The following MAML2 variants were observed in gnomAD, a reference collection of about 807,000 sequenced individuals.
The protein encoded by MAML2 is mastermind-like protein 2.
Under a neutral mutation model 96.1 loss-of-function variants are expected in MAML2, and 22 were observed. The ratio of observed to expected loss-of-function variants is 0.23; its 90% CI spans 0.16 to 0.33. The LOEUF is 0.33. Among genes scored for constraint, MAML2 ranks in the 10% least tolerant of loss-of-function variants. The pLI is 1.00. For synonymous variants in MAML2, 561 were observed against 521.3 expected (o/e 1.08, Z -1.04); for missense variants, 1,367 against 1,392.4 (o/e 0.98, Z 0.29).
chr11:95,982,317 G>A (rs549298626), intron 4 of MAML2, among the ~76,000 whole-genome samples: 1 of 139,882 alleles, frequency 7.1e-6, no homozygotes, highest in Non-Finnish European at 1.5e-5. Flanking sequence ...CAGAGCTTTG[G>A]TTTTAGAAAC....
At chr11:95,999,373 G>A (rs991068079) in intron 2 of MAML2, among the ~76,000 whole-genome samples, 2 of 152,038 alleles carry the variant, frequency 1.3e-5, no homozygotes, top group Admixed American at 1.3e-4. Context: ...GAATTGTAAG[G>A]ACTCTGTCAG....
intron 1 of MAML2, among the ~76,000 whole-genome samples, chr11:96,329,642 T>C (rs1863828957): frequency 2.0e-5 from 3 of 152,222 alleles, no homozygotes; most frequent in Admixed American, 6.5e-5. Context: ...TAAATTGCCC[T>C]ACTAGGTAGT....
At chr11:96,340,865 A>G (rs373999595) in intron 1 of MAML2, among the ~76,000 whole-genome samples, 3 of 152,140 alleles carry the variant, frequency 2.0e-5, no homozygotes, top group African/African-American at 4.8e-5. Flanking sequence ...GGAATTTGCT[A>G]TTTGTTACAG....
intron 1 of MAML2, among the ~76,000 whole-genome samples, chr11:96,331,789 G>A (rs915887212): frequency 1.2e-4 from 18 of 149,480 alleles, no homozygotes; most frequent in Non-Finnish European, 2.7e-4. Flanking sequence ...CTGCACTCCA[G>A]CGTGGGCGAA....
At chr11:96,069,202 A>G (rs1859299125) in intron 2 of MAML2, among the ~76,000 whole-genome samples, 1 of 152,060 alleles carries the variant, frequency 6.6e-6, no homozygotes, top group African/African-American at 2.4e-5. Context: ...TGTTGGCATT[A>G]CAAGGGTGAG....
chr11:96,313,370 G>T (rs1031176192), intron 1 of MAML2, among the ~76,000 whole-genome samples: 1 of 152,122 alleles, frequency 6.6e-6, no homozygotes, highest in South Asian at 2.1e-4. Flanking sequence ...GCAGCTCTCC[G>T]GGCCATTCTG....
At chr11:96,157,622 T>G (rs1372017802) in intron 1 of MAML2, among the ~76,000 whole-genome samples, 1 of 152,268 alleles carries the variant, frequency 6.6e-6, no homozygotes. Flanking sequence ...ATTTGACTTT[T>G]GCAAGTAAAA....
chr11:96,323,483 G>GA (rs57745850), intron 1 of MAML2, among the ~76,000 whole-genome samples: 26,966 of 144,584 alleles, frequency 0.19, 2,619 homozygotes, highest in East Asian at 0.33. Flanking sequence ...ACAAAATGCT[G>GA]AAAAAAAAAA....
At position 96,092,210 on chromosome 11, in the gene MAML2, T is replaced by TTGCTGC. The variant is rs60727839; in HGVS notation, c.1815_1820dup (p.Gln620_Gln621dup). The TTGCTGC allele has an allele frequency of 1.1e-4, 155 of 1,463,054 alleles. No individual in the cohort carries two copies. The highest frequency in any genetic ancestry group is 1.0e-3 in the African/African-American group (73 of 70,988). 90.6% of individuals were successfully genotyped at this position (1,463,054 alleles called of 1,614,324 possible). A position where few individuals can be genotyped will look rare whatever the true frequency, so the allele number is the denominator to read the frequency against. On this transcript the variant is annotated inframe_insertion, in exon 2 of 5. Coordinates refer to ENST00000524717, the MANE Select transcript of MAML2 (RefSeq NM_032427.4). The surrounding 1 kb of genome is among the most constrained non-coding windows in gnomAD (Gnocchi z 4.1). ...GTTGCTGTTGCTGCTGCTGCTGCTG[T>TTGCTGC]TGCTGCTGCTGCTGCTGCTGCTGCT...
At chr11:96,298,328 G>A (rs1863331090) in intron 1 of MAML2, among the ~76,000 whole-genome samples, 1 of 152,208 alleles carries the variant, frequency 6.6e-6, no homozygotes, top group Non-Finnish European at 1.5e-5. Context: ...GAAACAGTGA[G>A]GATGGAATGG....
chr11:96,251,274 G>C (rs1862578287), intron 1 of MAML2, among the ~76,000 whole-genome samples: 1 of 152,204 alleles, frequency 6.6e-6, no homozygotes, highest in African/African-American at 2.4e-5. Context: ...GGAGGTAGCT[G>C]TGTTTCAGAT....
chr11:96,240,377 C>T (rs1251407480), intron 1 of MAML2, among the ~76,000 whole-genome samples: 9 of 151,344 alleles, frequency 5.9e-5, no homozygotes, highest in African/African-American at 1.7e-4. Flanking sequence ...GGTGAAACCC[C>T]GTCTCTACTA....
intron 1 of MAML2, among the ~76,000 whole-genome samples, chr11:96,157,165 T>A (rs976217207): frequency 6.6e-6 from 1 of 152,216 alleles, no homozygotes; most frequent in African/African-American, 2.4e-5. Flanking sequence ...TGCAGTGAAG[T>A]TTCAAAACTC....
chr11:96,189,963 T>C (rs79549226), intron 1 of MAML2, among the ~76,000 whole-genome samples: 3,742 of 152,288 alleles, frequency 0.025, 73 homozygotes, highest in Non-Finnish European at 0.039. Flanking sequence ...AAAGTAGGTG[T>C]CACTAGATGA....
intron 2 of MAML2, among the ~76,000 whole-genome samples, chr11:96,003,478 T>A (rs1311689643): frequency 6.6e-6 from 1 of 152,146 alleles, no homozygotes; most frequent in Non-Finnish European, 1.5e-5. Context: ...TTAAAGGCGA[T>A]TGAGCTTAGT....
chr11:96,307,116 G>C (rs1863474356), intron 1 of MAML2, among the ~76,000 whole-genome samples: 1 of 152,118 alleles, frequency 6.6e-6, no homozygotes, highest in Non-Finnish European at 1.5e-5. Flanking sequence ...AAACTCTCCT[G>C]AAGTCTTGAG....
In MAML2 at chr11:96,111,137, C is replaced by T. The variant is rs561003060; in HGVS notation, c.514-17620G>A. ...CATCTCTGCATCAATTGAGACCATTCTCCACTATCTGTGCTCACATAGTAA... is the reference window on the plus strand; with the variant it reads ...CATCTCTGCATCAATTGAGACCATTTTCCACTATCTGTGCTCACATAGTAA... On this transcript the variant is annotated intron_variant, in intron 1 of 4. Coordinates refer to ENST00000524717, the MANE Select transcript of MAML2 (RefSeq NM_032427.4). Among the ~76,000 whole-genome samples the T allele has an allele frequency of 2.0e-5, 3 of 152,318 alleles. No homozygotes were observed. In the East Asian group the frequency reaches 5.8e-4, roughly 29 times the overall value.
At chr11:96,223,263 A>T (rs1020182393) in intron 1 of MAML2, among the ~76,000 whole-genome samples, 3 of 152,302 alleles carry the variant, frequency 2.0e-5, no homozygotes, top group Admixed American at 6.5e-5. Context: ...TTACTCATGG[A>T]AACATCACCA....
At chr11:96,036,183 T>C (rs1858708620) in intron 2 of MAML2, among the ~76,000 whole-genome samples, 1 of 151,894 alleles carries the variant, frequency 6.6e-6, no homozygotes, top group Non-Finnish European at 1.5e-5. Context: ...ACACAGAAAA[T>C]CTCTCATCTA....
Sources: gnomAD v4.1 joint callset for allele counts (sites outside exome capture counted in the v4.1 genomes callset) on GRCh38, gnomAD v4.1.1 for gene constraint, Gnocchi (gnomAD v3.1) non-coding constraint, MANE v1.5 for transcripts, NCBI Gene and HGNC (gene_info 2026-07-23, HGNC 2026-07-21) for gene names.